Variants in DOCK10 observed in about 807,000 individuals in gnomAD.
DOCK10 encodes the protein dedicator of cytokinesis protein 10.
DOCK10 carries 145 observed loss-of-function variants against 280.1 expected under a neutral mutation model. The ratio of observed to expected loss-of-function variants is 0.52; its 90% CI spans 0.45 to 0.59. The LOEUF (loss-of-function observed/expected upper bound fraction) is 0.59, where lower values mean the gene tolerates loss of function less well. Among genes scored for constraint, DOCK10 ranks in the 20% least tolerant of loss-of-function variants. The probability of loss-of-function intolerance (pLI) is 0.00; values close to 1 mark genes in which losing one functional copy is unlikely to be tolerated. For synonymous variants in DOCK10, 915 were observed against 942.2 expected, an observed-to-expected ratio of 0.97 and a Z score of 0.53; for missense variants, 2,368 against 2,651.7, an observed-to-expected ratio of 0.89 and a Z score of 2.35.
At chr2:224,884,185 C>T (rs572208040) in intron 7 of DOCK10, among the ~76,000 whole-genome samples, 1 of 152,064 alleles carries the variant, frequency 6.6e-6, no homozygotes, top group African/African-American at 2.4e-5. Context: ...TAATTTTTTC[C>T]TTTTAAAGTT....
chr2:224,956,371 C>T (rs1020047503), intron 1 of DOCK10, among the ~76,000 whole-genome samples: 1 of 151,934 alleles, frequency 6.6e-6, no homozygotes, highest in Non-Finnish European at 1.5e-5. Context: ...GCCTGTAATC[C>T]CAGAACTTTG....
chr2:224,980,306 T>C (rs954723917), intron 1 of DOCK10, among the ~76,000 whole-genome samples: 13 of 152,232 alleles, frequency 8.5e-5, no homozygotes, highest in Non-Finnish European at 1.3e-4. Flanking sequence ...CTAGGTGATT[T>C]TGAAATACAA....
chr2:225,039,844 C>G (rs1283454124), intron 1 of DOCK10, among the ~76,000 whole-genome samples: 1 of 152,132 alleles, frequency 6.6e-6, no homozygotes, highest in South Asian at 2.1e-4. Context: ...TTTGTGTCCC[C>G]AAGACAGGGA....
At position 224,805,148 on chromosome 2, in the gene DOCK10, T is replaced by G. The variant is rs1224377650; in HGVS notation, c.4052-24A>C. 2 of 1,605,414 alleles carry G rather than the reference T, an allele frequency of 1.2e-6. No individual in the cohort carries two copies. The highest frequency in any genetic ancestry group is 8.5e-7 in the Non-Finnish European group (1 of 1,177,180). Reference sequence around the variant, plus strand: ...CTCTAAAAGGAAACACCAGGTAGTATGAGAATCTGAAGGTTTTCTTTTTCC... The same window carrying G: ...CTCTAAAAGGAAACACCAGGTAGTAGGAGAATCTGAAGGTTTTCTTTTTCC... On this transcript the variant is annotated intron_variant, in intron 36 of 55. Coordinates refer to ENST00000258390, the MANE Select transcript of DOCK10 (RefSeq NM_014689.3). This position sits in a 1 kb window ranked among gnomAD's most constrained non-coding sequence, Gnocchi z 4.3.
rs113244353 is a variant in DOCK10, at chr2:224,994,658, A to G, written c.123+47594T>C. Among the ~76,000 whole-genome samples, 559 of 152,338 alleles carry G rather than the reference A, an allele frequency of 3.7e-3. 6 individuals are homozygous for G. Among genetic ancestry groups the G allele is most frequent in the African/African-American group, 0.013 (520 of 41,574 alleles). On this transcript the variant is annotated intron_variant, in intron 1 of 55. Coordinates refer to ENST00000258390, the MANE Select transcript of DOCK10 (RefSeq NM_014689.3). ...CTCCTTGGAAAGAGGTCACTGGTAC[A>G]CATCCAGTGTCGACAGACAAGATCT... is the stretch of plus-strand genomic sequence containing the variant.
intron 1 of DOCK10, among the ~76,000 whole-genome samples, chr2:224,943,644 C>T (rs141782864): frequency 5.3e-5 from 8 of 151,986 alleles, no homozygotes; most frequent in African/African-American, 1.7e-4. Context: ...AACTTTAGGT[C>T]TCATCTTTAT....
intron 1 of DOCK10, among the ~76,000 whole-genome samples, chr2:224,985,480 C>A (rs1031244678): frequency 6.6e-6 from 1 of 151,720 alleles, no homozygotes; most frequent in African/African-American, 2.4e-5. Context: ...GCAGAGATAG[C>A]CGTGTTGTGT....
intron 27 of DOCK10, among the ~76,000 whole-genome samples, chr2:224,827,893 G>C (rs1383002526): frequency 6.6e-6 from 1 of 152,136 alleles, no homozygotes; most frequent in Non-Finnish European, 1.5e-5. Flanking sequence ...ATAGACCTGG[G>C]GCCTAGAAGC....
intron 50 of DOCK10, 67 bp from the exon 51 acceptor site, chr2:224,778,351 A>C: frequency 2.1e-6 from 3 of 1,462,798 alleles, no homozygotes; most frequent in Non-Finnish European, 2.8e-6. Context: ...GCAAAACAAA[A>C]AGCCATTTAC....
At chr2:224,952,686 G>A (rs13382700) in intron 1 of DOCK10, among the ~76,000 whole-genome samples, 78,812 of 148,022 alleles carry the variant, frequency 0.53, 22,721 homozygotes, top group Non-Finnish European at 0.64. Context: ...TCCGCCTCCC[G>A]GGTTCACGCC....
intron 1 of DOCK10, among the ~76,000 whole-genome samples, chr2:224,997,859 A>G (rs1706318076): frequency 6.6e-6 from 1 of 152,204 alleles, no homozygotes; most frequent in Non-Finnish European, 1.5e-5. Context: ...TTAGACCTGA[A>G]GGCAGACTCG....
rs894371451 is a variant in DOCK10 at position 224,881,779 on chromosome 2, C to T, written c.747+3892G>A. On this transcript the variant is annotated intron_variant, in intron 7 of 55. Coordinates refer to ENST00000258390, the MANE Select transcript of DOCK10 (RefSeq NM_014689.3). Reference sequence around the variant, plus strand: ...ATTTTCAGAACTTGAGTTGCTAATGCGAGGCTTACGGGTCATATTTGGCTT... The same window carrying T: ...ATTTTCAGAACTTGAGTTGCTAATGTGAGGCTTACGGGTCATATTTGGCTT... Among the ~76,000 whole-genome samples the T allele has an allele frequency of 9.2e-5, 14 of 152,108 alleles. 1 individual carries two copies. The highest frequency in any genetic ancestry group is 6.3e-3 in the Middle Eastern group (2 of 316).
intron 4 of DOCK10, among the ~76,000 whole-genome samples, chr2:224,887,960 G>T (rs1384542511): frequency 6.6e-6 from 1 of 152,060 alleles, no homozygotes; most frequent in Non-Finnish European, 1.5e-5. Flanking sequence ...GGTAACTGTT[G>T]GTGAGAATGT....
chr2:224,889,286 G>A (rs1465613966), intron 4 of DOCK10, among the ~76,000 whole-genome samples: 1 of 152,152 alleles, frequency 6.6e-6, no homozygotes, highest in Admixed American at 6.5e-5. Flanking sequence ...TGTTAAGTGA[G>A]GGCTTCAAAA....
intron 1 of DOCK10, among the ~76,000 whole-genome samples, chr2:224,961,418 C>CTT (rs1232091000): frequency 1.1e-4 from 11 of 100,192 alleles, no homozygotes; most frequent in African/African-American, 4.3e-4. Flanking sequence ...CTTTCTCTTT[C>CTT]TTTCTTTCTT....
intron 28 of DOCK10, among the ~76,000 whole-genome samples, chr2:224,820,435 T>C (rs902368686): frequency 2.6e-5 from 4 of 152,242 alleles, no homozygotes; most frequent in African/African-American, 9.6e-5. Flanking sequence ...GTGCCTCCCA[T>C]AGTGGATCTG....
intron 1 of DOCK10, among the ~76,000 whole-genome samples, chr2:224,971,411 G>A (rs879852665): frequency 3.3e-5 from 5 of 152,040 alleles, no homozygotes; most frequent in East Asian, 3.9e-4. Context: ...AGGAATGGGC[G>A]CGGTTGCACT....
chr2:224,903,727 T>A (rs1183933925), intron 3 of DOCK10, among the ~76,000 whole-genome samples: 1 of 152,180 alleles, frequency 6.6e-6, no homozygotes, highest in African/African-American at 2.4e-5. Context: ...TTCTTTTTTA[T>A]TCTTATGCTC....
intron 44 of DOCK10, among the ~76,000 whole-genome samples, 168 bp downstream of exon 44, chr2:224,796,148 C>CA (rs574995237): frequency 6.6e-6 from 1 of 152,008 alleles, no homozygotes; most frequent in Admixed American, 6.5e-5. Context: ...AGCCTCAACT[C>CA]AAACTCCTGG....
Sources: gnomAD v4.1 joint callset for allele counts (sites outside exome capture counted in the v4.1 genomes callset) on GRCh38, gnomAD v4.1.1 for gene constraint, Gnocchi (gnomAD v3.1) non-coding constraint, MANE v1.5 for transcripts, NCBI Gene and HGNC (gene_info 2026-07-23, HGNC 2026-07-21) for gene names.